Variants in ACOT7 observed in about 807,000 individuals in gnomAD.
ACOT7 encodes the protein acyl-CoA thioesterase 7, also known as cytosolic acyl coenzyme A thioester hydrolase.
Under a neutral mutation model 40.2 loss-of-function variants are expected in ACOT7, and 12 were observed. The ratio of observed to expected loss-of-function variants is 0.30; its 90% CI spans 0.19 to 0.48. The LOEUF (loss-of-function observed/expected upper bound fraction) is 0.48. Among genes scored for constraint, ACOT7 ranks in the 20% least tolerant of loss-of-function variants. The pLI is 0.99. For synonymous variants in ACOT7, 228 were observed against 219.5 expected (o/e 1.04, Z -0.34); for missense variants, 395 against 530.8 (o/e 0.74, Z 2.51).
At chr1:6,304,114 A>G (rs1486879389) in intron 6 of ACOT7, among the ~76,000 whole-genome samples, 1 of 152,164 alleles carries the variant, frequency 6.6e-6, no homozygotes, top group African/African-American at 2.4e-5. Flanking sequence ...CTCAGCCTGG[A>G]GGCTACCAAA....
At chr1:6,268,759 C>T (rs1638929182) in intron 8 of ACOT7, among the ~76,000 whole-genome samples, 1 of 152,268 alleles carries the variant, frequency 6.6e-6, no homozygotes, top group South Asian at 2.1e-4. Context: ...TCACCTCTGC[C>T]AGCCACACGC....
intron 2 of ACOT7, among the ~76,000 whole-genome samples, chr1:6,346,556 G>A (rs75588349): frequency 0.053 from 8,146 of 152,306 alleles, 267 homozygotes; most frequent in African/African-American, 0.081. Flanking sequence ...CCCGAGCCGC[G>A]CTAGGCAGAG....
chr1:6,274,526 A>G lies in ACOT7; in HGVS notation c.1014+6576T>C, dbSNP rs74584718. The stretch of plus-strand genomic sequence containing the variant: ...CGGGGCTTACCCGGCCCCTGCACTC[A>G]TGCAGGTGAACCAGCTGAGGCCAGG... On this transcript the variant is annotated intron_variant, in intron 8 of 8. Transcript: ENST00000361521. This position sits in a 1 kb window ranked among gnomAD's most constrained non-coding sequence, Gnocchi z 5.9. Among the ~76,000 whole-genome samples the G allele has an allele frequency of 0.012, 1,775 of 152,288 alleles. 31 individuals carry two copies. Among genetic ancestry groups the G allele is most frequent in the African/African-American group, 0.04 (1,661 of 41,560 alleles).
At chr1:6,295,073 C>T in intron 6 of ACOT7, 93 bp from the exon 7 acceptor site, 9 of 970,586 alleles carry the variant, frequency 9.3e-6, no homozygotes, top group Non-Finnish European at 1.3e-5. Context: ...GCCCTCCCCT[C>T]CCACTAGCCA....
At chr1:6,312,850 A>C (rs546654735) in intron 6 of ACOT7, among the ~76,000 whole-genome samples, 4 of 152,284 alleles carry the variant, frequency 2.6e-5, no homozygotes, top group African/African-American at 7.2e-5. Context: ...GTACCCAAAA[A>C]ATTTTTTAAA....
At chr1:6,356,779 C>T (rs1641755785) in intron 1 of ACOT7, among the ~76,000 whole-genome samples, 1 of 151,790 alleles carries the variant, frequency 6.6e-6, no homozygotes, top group Non-Finnish European at 1.5e-5. Context: ...AATAGCTGGG[C>T]GTGGTGGCAG....
intron 6 of ACOT7, among the ~76,000 whole-genome samples, chr1:6,310,355 C>T (rs115296355): frequency 0.029 from 4,451 of 152,346 alleles, 87 homozygotes; most frequent in Non-Finnish European, 0.04. Flanking sequence ...CGCAGAACCA[C>T]TCGGGGTGCG....
chr1:6,281,156 G>A lies in ACOT7; in HGVS notation c.960C>T (p.Phe320=), dbSNP rs570021356. The change falls in exon 8 of 9, where the codon TTC becomes TTT. Residue 320 remains phenylalanine (F), a synonymous_variant. Transcript: ENST00000361521. ...QKRYRAASAF[F]TYVSLSQEGR... ...CTTCCTGGCTCAGCGACACGTAGGT[G>A]AAGAAGGCACTGGCGGCCCGGTAGC... The A allele has an allele frequency of 2.5e-6, 4 of 1,614,146 alleles. No individual in the cohort carries two copies. The Admixed American group carries it at 5.0e-5, about 20-fold the overall frequency.
At position 6,281,251 on chromosome 1, in the gene ACOT7, T is replaced by C. The variant is rs552618053; in HGVS notation, c.865A>G (p.Thr289Ala). ...VITISGRMTF[T>A]SNKSMEIEVL... ...TCGATCTCCATGGACTTATTGCTCG[T>C]GAAGGTCATGCGTCCCGAGATGGTG... Residue 289 changes from threonine to alanine, a missense_variant, in exon 8 of 9, where the codon ACG becomes GCG. By Grantham distance (58) the Thr-to-Ala change is moderately conservative. Coordinates refer to ENST00000361521, the MANE Select transcript of ACOT7 (RefSeq NM_007274.4). The C allele has an allele frequency of 6.2e-7, 1 of 1,612,898 alleles. No homozygotes were observed. The highest frequency in any genetic ancestry group is 1.7e-5 in the Admixed American group (1 of 59,914).
At chr1:6,323,745 T>C (rs1418606535) in intron 5 of ACOT7, among the ~76,000 whole-genome samples, 1 of 92,914 alleles carries the variant, frequency 1.1e-5, no homozygotes, top group African/African-American at 6.4e-5. Context: ...AAAATATATA[T>C]ATATATATAT....
At chr1:6,335,657 C>T (rs1641080483) in intron 3 of ACOT7, among the ~76,000 whole-genome samples, 1 of 152,186 alleles carries the variant, frequency 6.6e-6, no homozygotes, top group African/African-American at 2.4e-5. Flanking sequence ...GAACCTGCCT[C>T]CCCAAGGCAA....
chr1:6,280,655 C>T (rs1557629352), intron 8 of ACOT7, among the ~76,000 whole-genome samples: 1 of 152,206 alleles, frequency 6.6e-6, no homozygotes, highest in Non-Finnish European at 1.5e-5. Flanking sequence ...GGGAGCCCAC[C>T]CCTCCAGCTT....
At chr1:6,300,156 C>T (rs920148910) in intron 6 of ACOT7, among the ~76,000 whole-genome samples, 7 of 152,244 alleles carry the variant, frequency 4.6e-5, no homozygotes, top group Middle Eastern at 3.4e-3. Flanking sequence ...GGAGATACGT[C>T]GCCATCCAGC....
rs902836282 is a variant in ACOT7, at chr1:6,278,361, T to C, written c.1014+2741A>G. 6.6e-6 allele frequency among the ~76,000 whole-genome samples: 1 copy of C among 151,844 alleles called. No individual in the cohort carries two copies. The highest frequency in any genetic ancestry group is 1.5e-5 in the Non-Finnish European group (1 of 67,956). On this transcript the variant is annotated intron_variant, in intron 8 of 8. Transcript: ENST00000361521. This position sits in a 1 kb window ranked among gnomAD's most constrained non-coding sequence, Gnocchi z 4.1. ...TCCTGGGCTGCAGGGAAGGGTCACA[T>C]TGAGAGCACCAGGAACAGAGGAAGG...
chr1:6,323,454 A>C (rs926013419), intron 5 of ACOT7, among the ~76,000 whole-genome samples: 142 of 152,226 alleles, frequency 9.3e-4, no homozygotes, highest in African/African-American at 3.2e-3. Flanking sequence ...ATGGTGGCTC[A>C]CGCCTGTAAT....
At chr1:6,283,280 G>A (rs1239689015) in intron 7 of ACOT7, among the ~76,000 whole-genome samples, 1 of 152,200 alleles carries the variant, frequency 6.6e-6, no homozygotes, top group Non-Finnish European at 1.5e-5. Flanking sequence ...TGTCACACCT[G>A]TCACTTAAAT....
chr1:6,268,669 C>T (rs1001628869), intron 8 of ACOT7, among the ~76,000 whole-genome samples: 3 of 152,260 alleles, frequency 2.0e-5, no homozygotes, highest in South Asian at 2.1e-4. Flanking sequence ...CCAGGCCCCA[C>T]GCACGCGGCA....
intron 1 of ACOT7, among the ~76,000 whole-genome samples, chr1:6,372,036 C>A (rs1269071394): frequency 1.3e-5 from 2 of 150,270 alleles, no homozygotes; most frequent in Non-Finnish European, 2.9e-5. Flanking sequence ...CAGAGCAAAA[C>A]TCTGTGTCAA....
chr1:6,281,070 G>A, intron 8 of ACOT7, 32 bp downstream of exon 8: 3 of 1,602,994 alleles, frequency 1.9e-6, no homozygotes, highest in Non-Finnish European at 2.5e-6. Flanking sequence ...GCCTGGCAGG[G>A]AGGGGCCGCC....
Sources: allele counts gnomAD v4.1 joint callset (sites outside exome capture counted in the v4.1 genomes callset), GRCh38; gene constraint gnomAD v4.1.1; non-coding constraint Gnocchi (gnomAD v3.1); transcripts MANE v1.5; gene names NCBI Gene and HGNC (gene_info 2026-07-23, HGNC 2026-07-21).